The following CASKIN1 variants were observed in gnomAD, a reference collection of about 807,000 sequenced individuals.
CASKIN1 encodes the protein caskin-1.
CASKIN1 carries 42 observed loss-of-function variants against 117.5 expected under a neutral mutation model. The observed-to-expected ratio is 0.36, with a 90% CI of 0.28 to 0.46. The LOEUF (loss-of-function observed/expected upper bound fraction) is 0.46, where lower values mean the gene tolerates loss of function less well. CASKIN1 is among the 20% of genes least tolerant of loss of function. CASKIN1 has a pLI of 1.00. For synonymous variants in CASKIN1, 1,148 were observed against 961.7 expected (o/e 1.19, Z -3.59); for missense variants, 2,083 against 2,077.3 (o/e 1.00, Z -0.05).
intron 6 of CASKIN1, among the ~76,000 whole-genome samples, chr16:2,187,988 G>T (rs1378346248): frequency 7.1e-6 from 1 of 140,888 alleles, no homozygotes. Flanking sequence ...GCCTCAAGCA[G>T]TCCTCCTGCC....
intron 2 of CASKIN1, 66 bp downstream of exon 2, chr16:2,190,241 C>A: frequency 6.3e-7 from 1 of 1,590,112 alleles, no homozygotes; most frequent in Non-Finnish European, 8.6e-7. Context: ...TGCCCTCCCC[C>A]GGCACCTAGG....
Position 2,185,308 on chromosome 16 carries a change from T to C in CASKIN1, c.1149A>G (p.Ala383=), listed in dbSNP as rs761912626. 6.3e-7 allele frequency: 1 copy of C among 1,595,230 alleles called. No individual in the cohort carries two copies. Among genetic ancestry groups the C allele is most frequent in the Non-Finnish European group, 8.6e-7 (1 of 1,167,066 alleles). Residue 383 remains alanine, a splice_region_variant and synonymous_variant, in exon 11 of 20, where the codon GCA becomes GCG. Transcript: ENST00000343516. The stretch of plus-strand genomic sequence containing the variant: ...CTGCCCTTCAGGGACCCAGCCTACC[T>C]GCAAAAGGCTTCCTCAGCACCCAGA... ...EEIWVLRKPF[A]GGDRSGSISG...
chr16:2,184,830 G>T lies in CASKIN1; in HGVS notation c.1363C>A (p.Gln455Lys). Residue 455 changes from glutamine to lysine, a missense_variant, in exon 14 of 20, where the codon CAG (glutamine) becomes AAG (lysine). Gln to Lys is a moderately conservative substitution (Grantham distance 53). This residue lies in a region of CASKIN1 where 1,818 missense variants were observed against 1,688.9 expected (regional missense o/e 1.08). Transcript: ENST00000343516. ...TTGGGCGGCTGCTCCCCATAGACCT[G>T]CCCGGCGTGGGCCACTGGAGGCTGG... ...RSQPPVAHAG[Q>K]VYGEQPPKKL... 6.4e-7 allele frequency: 1 copy of T among 1,558,720 alleles called. No individual in the cohort carries two copies. The highest frequency in any genetic ancestry group is 1.2e-5 in the South Asian group (1 of 84,536).
chr16:2,186,945 C>T, intron 9 of CASKIN1, 33 bp downstream of exon 9: 1 of 1,611,420 alleles, frequency 6.2e-7, no homozygotes, highest in Middle Eastern at 1.7e-4. Context: ...GCCGCCCCCT[C>T]CCTGCTGAGA....
chr16:2,192,582 G>A (rs1245261201), intron 1 of CASKIN1, among the ~76,000 whole-genome samples: 4 of 152,100 alleles, frequency 2.6e-5, no homozygotes, highest in Admixed American at 6.6e-5. Flanking sequence ...CTGTGTGCAC[G>A]TGCGGCCTCC....
rs948085651 is a variant in CASKIN1 at position 2,180,274 on chromosome 16, G to A, written c.3094C>T (p.Pro1032Ser). Residue 1032 changes from proline (P) to serine (S), a missense_variant, in exon 18 of 20, where the codon CCT becomes TCT. Coordinates refer to ENST00000343516, the MANE Select transcript of CASKIN1 (RefSeq NM_020764.4). ...ACCCGGCCCGGCTCTGGGCTGGCAG[G>A]GCGGGGAGTGGGGTGGCCCTCAGGA... ...RPPEGHPTPR[P>S]ASPEPGRVAT... 4 of 1,564,520 alleles carry A rather than the reference G, an allele frequency of 2.6e-6. No homozygotes were observed. Among genetic ancestry groups the A allele is most frequent in the East Asian group, 4.8e-5 (2 of 42,028 alleles).
Position 2,181,227 on chromosome 16 carries a change from G to A in CASKIN1, c.2141C>T (p.Pro714Leu). ...SSSQELLGDG[P>L]PGPSSPMSRS... ...AGACATGGGGCTGCTGGGCCCAGGG[G>A]GCCCATCTCCCAGCAGCTCCTGCGA... The change falls in exon 18 of 20, where the codon CCC (proline) becomes CTC (leucine). Residue 714 changes from proline (P) to leucine (L), a missense_variant. By Grantham distance (98) the Pro-to-Leu change is moderately conservative (BLOSUM62 -3). This residue lies in a region of CASKIN1 where 1,818 missense variants were observed against 1,688.9 expected (regional missense o/e 1.08). Coordinates refer to ENST00000343516, the MANE Select transcript of CASKIN1 (RefSeq NM_020764.4). The A allele has an allele frequency of 6.3e-7, 1 of 1,593,218 alleles. No individual in the cohort carries two copies. The highest frequency in any genetic ancestry group is 8.5e-7 in the Non-Finnish European group (1 of 1,176,706).
chr16:2,193,996 C>A (rs188419062), intron 1 of CASKIN1, among the ~76,000 whole-genome samples: 1 of 151,922 alleles, frequency 6.6e-6, no homozygotes. Flanking sequence ...GTCCAGGAGC[C>A]CCCCTCCCTC....
chr16:2,180,195 T>C lies in CASKIN1; in HGVS notation c.3173A>G (p.Glu1058Gly). The C allele has an allele frequency of 6.5e-7, 1 of 1,549,498 alleles. No homozygotes were observed. The highest frequency in any genetic ancestry group is 8.7e-7 in the Non-Finnish European group (1 of 1,147,340). Residue 1058 changes from glutamate to glycine, a missense_variant, in exon 18 of 20, where the codon GAG becomes GGG. By Grantham distance (98) the Glu-to-Gly change is moderately conservative. Transcript: ENST00000343516. ...GAGCGTGCGGCGCCGGTTCACCACC[T>C]CCCCGCCAGGCCCGATGGCCTCTTT... ...KHKEAIGPGG[E>G]VVNRRRTLSG... is the part of the protein sequence containing the mutation.
In CASKIN1 at chr16:2,179,605, G is replaced by A. The variant is rs1220153254; in HGVS notation, c.3763C>T (p.Pro1255Ser). The A allele has an allele frequency of 2.1e-6, 3 of 1,450,554 alleles. No individual in the cohort carries two copies. Among genetic ancestry groups the A allele is most frequent in the Non-Finnish European group, 2.7e-6 (3 of 1,107,750 alleles). 89.9% of individuals were successfully genotyped at this position (1,450,554 alleles called of 1,614,324 possible). A position where few individuals can be genotyped will look rare whatever the true frequency, so the allele number is the denominator to read the frequency against. ...CTGGCTGGCCTACCTGGGCTGCCAGGGCCTGGCAGCGGCACCTTCTTGGAG... is the reference window on the plus strand; with the variant it reads ...CTGGCTGGCCTACCTGGGCTGCCAGAGCCTGGCAGCGGCACCTTCTTGGAG... ...PTSKKVPLPG[P>S]GSPEVKRAHG... is the part of the protein sequence containing the mutation. The change falls in exon 18 of 20, where the codon CCT becomes TCT. Residue 1255 changes from proline (P) to serine (S), a missense_variant. Physicochemically the swap from Pro to Ser is moderately conservative, Grantham distance 74. Around this residue, in one of 3 missense-constraint regions of CASKIN1, gnomAD observed 1,818 missense variants for 1,688.9 expected, o/e 1.08. Transcript: ENST00000343516. This position sits in a 1 kb window ranked among gnomAD's most constrained non-coding sequence, Gnocchi z 5.8.
Position 2,180,257 on chromosome 16 carries a change from C to G in CASKIN1, c.3111G>C (p.Pro1037=), listed in dbSNP as rs777189256. The G allele has an allele frequency of 1.9e-6, 3 of 1,556,692 alleles. No homozygotes were observed. In the East Asian group the frequency reaches 7.2e-5, roughly 37 times the overall value. ...HPTPRPASPE[P]GRVATVLASV... ...AGGCCAGCACGGTGGCCACCCGGCC[C>G]GGCTCTGGGCTGGCAGGGCGGGGAG... is the stretch of plus-strand genomic sequence containing the variant. Residue 1037 remains proline (P), a synonymous_variant, in exon 18 of 20, where the codon CCG becomes CCC. Coordinates refer to ENST00000343516, the MANE Select transcript of CASKIN1 (RefSeq NM_020764.4).
At chr16:2,188,232 G>A (rs1371057015) in intron 6 of CASKIN1, among the ~76,000 whole-genome samples, 1 of 151,860 alleles carries the variant, frequency 6.6e-6, no homozygotes, top group East Asian at 1.9e-4. Flanking sequence ...TGTCACCCAG[G>A]CTGGAATGCA....
At chr16:2,191,489 C>T (rs2093201527) in intron 1 of CASKIN1, among the ~76,000 whole-genome samples, 1 of 152,224 alleles carries the variant, frequency 6.6e-6, no homozygotes. Flanking sequence ...GCCGGGGGTG[C>T]TAACAGGGCC....
chr16:2,179,864 G>C lies in CASKIN1; in HGVS notation c.3504C>G (p.Ser1168=), dbSNP rs1321176490. The C allele has an allele frequency of 1.2e-6, 2 of 1,606,212 alleles. No individual in the cohort carries two copies. The highest frequency in any genetic ancestry group is 2.7e-5 in the African/African-American group (2 of 74,984). The part of the protein sequence containing the change: ...EAGPEPPPPL[S]VYHNGTGTVR... ...CGGTGCCAGTGCCATTATGGTACAC[G>C]GACAGTGGCGGTGGTGGCTCAGGCC... The change falls in exon 18 of 20, where the codon TCC becomes TCG. Residue 1168 remains serine, a synonymous_variant. Transcript: ENST00000343516. The surrounding 1 kb of genome is among the most constrained non-coding windows in gnomAD (Gnocchi z 5.8).
In CASKIN1 at chr16:2,179,759, G is replaced by C. The variant is rs766047754; in HGVS notation, c.3609C>G (p.Thr1203=). 13 of 1,562,352 alleles carry C rather than the reference G, an allele frequency of 8.3e-6. No homozygotes were observed. The highest frequency in any genetic ancestry group is 3.7e-5 in the Admixed American group (2 of 53,988). The change falls in exon 18 of 20, where the codon ACC becomes ACG. Residue 1203 remains threonine (T), a synonymous_variant. Coordinates refer to ENST00000343516, the MANE Select transcript of CASKIN1 (RefSeq NM_020764.4). This position sits in a 1 kb window ranked among gnomAD's most constrained non-coding sequence, Gnocchi z 5.8. ...PPPPPAEPPP[T]DLAHLPPLPP... ...GCAATGGGGGTAGGTGCGCCAGGTC[G>C]GTGGGCGGGGGTTCGGCAGGCGGGG...
chr16:2,186,232 G>C (rs991306361), intron 10 of CASKIN1, among the ~76,000 whole-genome samples: 1 of 152,186 alleles, frequency 6.6e-6, no homozygotes, highest in Non-Finnish European at 1.5e-5. Flanking sequence ...GCCTCCCAAA[G>C]TGTTGGGATG....
rs752599521 is a variant in CASKIN1, at chr16:2,178,919, C to T, written c.4182G>A (p.Glu1394=). 15 of 1,486,206 alleles carry T rather than the reference C, an allele frequency of 1.0e-5. No individual in the cohort carries two copies. The highest frequency in any genetic ancestry group is 4.6e-5 in the Admixed American group (2 of 43,018). The allele number at this position is 1,486,206 out of a possible 1,614,324, so 92.1% of individuals were successfully genotyped here. ...LQAVEEKIRQ[E]DAQGPRDSAA... ...GCACCTACCGCGGGCCCTGCGCGTC[C>T]TCCTGCCGGATCTTCTCCTCCACCG... The change falls in exon 19 of 20, where the codon GAG becomes GAA. Residue 1394 remains glutamate, a synonymous_variant. Transcript: ENST00000343516.
At chr16:2,194,685 CAG>C (rs1196224960) in intron 1 of CASKIN1, among the ~76,000 whole-genome samples, 2 of 152,140 alleles carry the variant, frequency 1.3e-5, no homozygotes, top group African/African-American at 2.4e-5. Context: ...CCCTGTGAGT[CAG>C]AGAGCAGGAG....
rs866448515 is a variant in CASKIN1, at chr16:2,181,159, T to C, written c.2209A>G (p.Thr737Ala). Reference sequence around the variant, plus strand: ...CCGGGCCGGGCCTCCCTGGGCGGGGTGCCGGGGGCGGGGCCCTCATCCAGG... The same window carrying C: ...CCGGGCCGGGCCTCCCTGGGCGGGGCGCCGGGGGCGGGGCCCTCATCCAGG... The part of the protein sequence containing the change: ...YLLDEGPAPG[T>A]PPREARPGRH... The change falls in exon 18 of 20, where the codon ACC becomes GCC. Residue 737 changes from threonine to alanine, a missense_variant. Coordinates refer to ENST00000343516, the MANE Select transcript of CASKIN1 (RefSeq NM_020764.4). 1.3e-6 allele frequency: 2 copies of C among 1,493,774 alleles called. No individual in the cohort carries two copies. The highest frequency in any genetic ancestry group is 1.8e-6 in the Non-Finnish European group (2 of 1,131,826). 92.5% of individuals were successfully genotyped at this position (1,493,774 alleles called of 1,614,324 possible).
Sources: allele counts gnomAD v4.1 joint callset (sites outside exome capture counted in the v4.1 genomes callset), GRCh38; gene constraint gnomAD v4.1.1; regional missense constraint gnomAD v4.1.1; non-coding constraint Gnocchi (gnomAD v3.1); transcripts MANE v1.5; gene names NCBI Gene and HGNC (gene_info 2026-07-23, HGNC 2026-07-21).